ZNF765: variants seen among roughly 807,000 people sequenced by gnomAD.
The protein encoded by ZNF765 is zinc finger protein 765.
In ZNF765, 37 loss-of-function variants were observed where a neutral mutation model predicts 44.7. The observed-to-expected ratio is 0.83, with a 90% CI of 0.64 to 1.09. The LOEUF (loss-of-function observed/expected upper bound fraction) is 1.09, where lower values mean the gene tolerates loss of function less well. Ranked by LOEUF, ZNF765 falls within the 50% of genes least tolerant of loss-of-function variation. The probability of loss-of-function intolerance (pLI) is 0.00; values close to 1 mark genes in which losing one functional copy is unlikely to be tolerated. For synonymous variants in ZNF765, 201 were observed against 213.7 expected (o/e 0.94, Z 0.52); for missense variants, 594 against 626.1 (o/e 0.95, Z 0.55).
chr19:53,414,492 C>A (rs12983659), downstream of ZNF765, among the ~76,000 whole-genome samples: 2,161 of 15,344 alleles, frequency 0.14, 704 homozygotes, highest in East Asian at 0.48. Flanking sequence ...CACACACACC[C>A]CCCCCCCCCC....
intron 3 of ZNF765, among the ~76,000 whole-genome samples, chr19:53,421,754 T>TC (rs1451657349): frequency 2.4e-4 from 37 of 152,160 alleles, no homozygotes. Context: ...CCTCAGGTGA[T>TC]CCGCCCACCT....
At chr19:53,397,655 A>G (rs1297196708) in intron 1 of ZNF765, among the ~76,000 whole-genome samples, 1 of 152,076 alleles carries the variant, frequency 6.6e-6, no homozygotes, top group Non-Finnish European at 1.5e-5. Flanking sequence ...TGCTGGGATG[A>G]CAGGCATGAG....
At chr19:53,414,474 CACACACACACACA>C (rs1568786007), downstream of ZNF765, among the ~76,000 whole-genome samples, 11 of 17,026 alleles carry the variant, frequency 6.5e-4, no homozygotes, top group East Asian at 2.9e-3. Context: ...CACACACACA[CACACACACACACA>C]CACCCCCCCC....
Position 53,409,016 on chromosome 19 carries a change from T to C in ZNF765, c.1461T>C (p.Leu487=). 1.2e-6 allele frequency: 2 copies of C among 1,603,660 alleles called. No individual in the cohort carries two copies. Among genetic ancestry groups the C allele is most frequent in the Non-Finnish European group, 1.7e-6 (2 of 1,172,860 alleles). ...RTSSLTYHHR[L]HTGQKPYKCE... ...CATCCCTTACATACCATCATAGACTTCATACTGGACAGAAACCTTACAAAT... is the reference window on the plus strand; with the variant it reads ...CATCCCTTACATACCATCATAGACTCCATACTGGACAGAAACCTTACAAAT... The change falls in exon 4 of 4, where the codon CTT becomes CTC. Residue 487 remains leucine (L), a synonymous_variant. Coordinates refer to ENST00000396408, the MANE Select transcript of ZNF765 (RefSeq NM_001040185.3).
At chr19:53,400,761 G>T (rs2085716508) in intron 2 of ZNF765, among the ~76,000 whole-genome samples, 1 of 1,478 alleles carries the variant, frequency 6.8e-4, no homozygotes, top group Non-Finnish European at 1.5e-3. Context: ...ATTATTTGTT[G>T]ACATATATAT....
chr19:53,415,885 T>C (rs940747144), downstream of ZNF765, among the ~76,000 whole-genome samples: 2 of 152,186 alleles, frequency 1.3e-5, no homozygotes, highest in Non-Finnish European at 2.9e-5. Flanking sequence ...CTCTGACATA[T>C]ATTTCTGCTT....
At chr19:53,422,102 G>C (rs1291469898) in intron 3 of ZNF765, among the ~76,000 whole-genome samples, 1 of 151,996 alleles carries the variant, frequency 6.6e-6, no homozygotes, top group Non-Finnish European at 1.5e-5. Context: ...TCAGCCTCTG[G>C]GGTAATGTTT....
chr19:53,409,248 T>G lies in ZNF765; in HGVS notation c.*121T>G, dbSNP rs2147099004. 3.5e-6 allele frequency: 4 copies of G among 1,144,128 alleles called. No individual in the cohort carries two copies. Among genetic ancestry groups the G allele is most frequent in the Middle Eastern group, 2.0e-4 (1 of 5,068 alleles). 70.9% of individuals were successfully genotyped at this position (1,144,128 alleles called of 1,614,324 possible). On this transcript the variant is annotated 3_prime_UTR_variant, in exon 4 of 4. Coordinates refer to ENST00000396408, the MANE Select transcript of ZNF765 (RefSeq NM_001040185.3). ...AAGCTTACAATTTCAAATCAAACCT[T>G]GAAATACATCAGAAAATTCGTACTG...
chr19:53,420,957 A>T (rs2085903233), intron 3 of ZNF765, among the ~76,000 whole-genome samples: 1 of 152,080 alleles, frequency 6.6e-6, no homozygotes, highest in Non-Finnish European at 1.5e-5. Context: ...GTCTGTGCTG[A>T]GGAGGATTAG....
At chr19:53,415,192 G>A (rs1182522510), downstream of ZNF765, among the ~76,000 whole-genome samples, 2 of 151,726 alleles carry the variant, frequency 1.3e-5, no homozygotes, top group African/African-American at 4.8e-5. Flanking sequence ...ATCACTTGAA[G>A]CCAGTTGGCA....
At chr19:53,417,913 G>A (rs796086690) in intron 3 of ZNF765, among the ~76,000 whole-genome samples, 33 of 152,242 alleles carry the variant, frequency 2.2e-4, no homozygotes, top group Admixed American at 1.4e-3. Context: ...TGAGACATAC[G>A]TAGTGTGCGT....
In ZNF765 at chr19:53,409,451, A is replaced by AC. The variant is rs1410421413; in HGVS notation, c.*325dup. On this transcript the variant is annotated 3_prime_UTR_variant, in exon 4 of 4. Coordinates refer to ENST00000396408, the MANE Select transcript of ZNF765 (RefSeq NM_001040185.3). ...AGAATTCACACTGGTGAGAAACCTT[A>AC]CAGGTGTAATGAGTGTGGCAAGACC... 1 of 868,418 alleles carries AC rather than the reference A, an allele frequency of 1.2e-6. No individual in the cohort carries two copies. The highest frequency in any genetic ancestry group is 1.7e-5 in the African/African-American group (1 of 60,500). The allele number at this position is 868,418 out of a possible 1,614,324, so 53.8% of individuals were successfully genotyped here.
At chr19:53,416,946 T>C (rs2147105419), downstream of ZNF765, among the ~76,000 whole-genome samples, 1 of 152,156 alleles carries the variant, frequency 6.6e-6, no homozygotes, top group South Asian at 2.1e-4. Context: ...GCCTTCCAGG[T>C]AGCTGGGATT....
At chr19:53,398,269 G>A (rs1443759176) in intron 2 of ZNF765, among the ~76,000 whole-genome samples, 4 of 152,222 alleles carry the variant, frequency 2.6e-5, no homozygotes, top group Non-Finnish European at 5.9e-5. Context: ...CCCAGACATG[G>A]ATGGAGATGG....
At position 53,406,287 on chromosome 19, in the gene ZNF765, C is replaced by T. The variant is rs868412574; in HGVS notation, c.143-1411C>T. On this transcript the variant is annotated intron_variant, in intron 3 of 3. Transcript: ENST00000396408. ...CTCATGATCTGCCCACCTCAGCCTC[C>T]CAAAGTGCTGGGATTACAGACCTGA... is the stretch of plus-strand genomic sequence containing the variant. 2.0e-5 allele frequency among the ~76,000 whole-genome samples: 3 copies of T among 151,802 alleles called. No individual in the cohort carries two copies. The South Asian group carries it at 6.2e-4, about 32-fold the overall frequency.
intron 2 of ZNF765, 67 bp downstream of exon 2, chr19:53,398,097 G>C (rs62117276): frequency 1.9e-6 from 3 of 1,612,300 alleles, no homozygotes; most frequent in Non-Finnish European, 2.5e-6. Context: ...TTGGAGTTTG[G>C]AATCTTCTCT....
downstream of ZNF765, among the ~76,000 whole-genome samples, chr19:53,416,018 C>T (rs2147104813): frequency 6.6e-6 from 1 of 152,128 alleles, no homozygotes; most frequent in Non-Finnish European, 1.5e-5. Flanking sequence ...GCAGTGGTGC[C>T]TTCTCTGCTC....
downstream of ZNF765, among the ~76,000 whole-genome samples, chr19:53,413,930 CAAAAAA>C (rs386389261): frequency 2.5e-5 from 2 of 79,790 alleles, no homozygotes; most frequent in Admixed American, 3.7e-4. Context: ...GCTAGAAAGA[CAAAAAA>C]AAAAAAAAAA....
chr19:53,404,829 C>T (rs745605690), intron 3 of ZNF765, among the ~76,000 whole-genome samples: 2 of 152,196 alleles, frequency 1.3e-5, no homozygotes, highest in African/African-American at 2.4e-5. Flanking sequence ...ATGGTACAGG[C>T]TCTAAACTTC....
Sources: gnomAD v4.1 joint callset for allele counts (sites outside exome capture counted in the v4.1 genomes callset) on GRCh38, gnomAD v4.1.1 for gene constraint, MANE v1.5 for transcripts, NCBI Gene and HGNC (gene_info 2026-07-23, HGNC 2026-07-21) for gene names.